STAU2: variants seen among roughly 807,000 people sequenced by gnomAD.
The protein encoded by STAU2 is double-stranded RNA-binding protein Staufen homolog 2.
A neutral mutation model predicts 65.9 loss-of-function variants in STAU2; 20 were observed. That is an observed-to-expected ratio of 0.30 (90% confidence interval 0.21 to 0.44). The LOEUF is 0.44. Among genes scored for constraint, STAU2 ranks in the 20% least tolerant of loss-of-function variants. The pLI, the probability that STAU2 is intolerant of heterozygous loss-of-function variation, is 1.00. For synonymous variants in STAU2, 232 were observed against 233.9 expected (o/e 0.99, Z 0.07); for missense variants, 558 against 683.9 (o/e 0.82, Z 2.05).
intron 4 of STAU2, among the ~76,000 whole-genome samples, chr8:73,708,765 T>A (rs1820692351): frequency 6.6e-6 from 1 of 152,178 alleles, no homozygotes; most frequent in African/African-American, 2.4e-5. Context: ...TGCCTGAGTT[T>A]AAATTACAAA....
intron 13 of STAU2, among the ~76,000 whole-genome samples, chr8:73,541,759 C>T (rs542262865): frequency 6.6e-6 from 1 of 151,962 alleles, no homozygotes; most frequent in African/African-American, 2.4e-5. Context: ...CAAAAAACAA[C>T]CAAATGGAAA....
At chr8:73,546,714 A>G (rs186514802) in intron 13 of STAU2, among the ~76,000 whole-genome samples, 27 of 152,222 alleles carry the variant, frequency 1.8e-4, no homozygotes, top group Admixed American at 8.5e-4. Context: ...AATTTCAGCC[A>G]CTGTCATTTG....
chr8:73,641,455 A>G (rs1814963114), intron 6 of STAU2, among the ~76,000 whole-genome samples: 3 of 152,208 alleles, frequency 2.0e-5, no homozygotes, highest in African/African-American at 7.2e-5. Flanking sequence ...TCAAAGGACA[A>G]AGTTGTGAAA....
At position 73,686,806 on chromosome 8, in the gene STAU2, T is replaced by C. The variant is rs1373144285; in HGVS notation, c.274+1848A>G. Reference sequence around the variant, plus strand: ...CAATTAGAACAACTCTTTAAAATTATTCTTAGGAGCTTAAAATTAGAACAG... The same window carrying C: ...CAATTAGAACAACTCTTTAAAATTACTCTTAGGAGCTTAAAATTAGAACAG... On this transcript the variant is annotated intron_variant, in intron 5 of 14. Transcript: ENST00000524300. Among the ~76,000 whole-genome samples the C allele has an allele frequency of 2.0e-5, 3 of 152,062 alleles. No individual in the cohort carries two copies. The East Asian group carries it at 5.8e-4, about 29-fold the overall frequency.
chr8:73,737,638 A>G (rs1406597649), intron 3 of STAU2, among the ~76,000 whole-genome samples: 5 of 151,380 alleles, frequency 3.3e-5, no homozygotes, highest in Admixed American at 2.0e-4. Context: ...CCTGGGCTCA[A>G]GAGATCCTCC....
rs562457764 is a variant in STAU2, at chr8:73,682,796, C to T, written c.274+5858G>A. On this transcript the variant is annotated intron_variant, in intron 5 of 14. Coordinates refer to ENST00000524300, the MANE Select transcript of STAU2 (RefSeq NM_001164380.2). ...CAAACAGGAGATATAACAACTGATA[C>T]CAGAGAAATACAAAATATCATTCAA... is the stretch of plus-strand genomic sequence containing the variant. 1.6e-4 allele frequency among the ~76,000 whole-genome samples: 24 copies of T among 152,004 alleles called. 1 individual carries two copies. The highest frequency in any genetic ancestry group is 5.5e-4 in the African/African-American group (23 of 41,480).
At chr8:73,735,535 C>T (rs949018681) in intron 3 of STAU2, among the ~76,000 whole-genome samples, 4 of 152,174 alleles carry the variant, frequency 2.6e-5, no homozygotes, top group African/African-American at 9.7e-5. Context: ...AAAGGAAATG[C>T]TCATTGGAGC....
intron 6 of STAU2, among the ~76,000 whole-genome samples, chr8:73,634,685 C>G (rs1257037355): frequency 6.6e-6 from 1 of 152,188 alleles, no homozygotes; most frequent in Non-Finnish European, 1.5e-5. Flanking sequence ...TCTCTAGCCA[C>G]ACTAGTCTCC....
chr8:73,631,216 A>G lies in STAU2; in HGVS notation c.411-13765T>C, dbSNP rs573756172. On this transcript the variant is annotated intron_variant, in intron 6 of 14. Transcript: ENST00000524300. ...AAAAAACATAAAAAATTATCTGGGC[A>G]TGGTGGTACACCCTTGTAGTTCCAG... Among the ~76,000 whole-genome samples the G allele has an allele frequency of 3.9e-5, 6 of 152,234 alleles. No individual in the cohort carries two copies. In the South Asian group the frequency reaches 1.0e-3, roughly 26 times the overall value.
intron 1 of STAU2, among the ~76,000 whole-genome samples, chr8:73,741,880 C>T (rs1806910548): frequency 6.6e-6 from 1 of 152,172 alleles, no homozygotes; most frequent in African/African-American, 2.4e-5. Flanking sequence ...ACTTTATGAA[C>T]ATAAAATTAA....
At chr8:73,705,041 A>AG (rs1820411412) in intron 4 of STAU2, among the ~76,000 whole-genome samples, 2 of 152,360 alleles carry the variant, frequency 1.3e-5, no homozygotes, top group African/African-American at 4.8e-5. Context: ...TTTTCAGTGC[A>AG]GGAACAGTGC....
chr8:73,582,880 A>C (rs764519529), intron 11 of STAU2, 50 bp from the exon 12 acceptor site: 39 of 1,560,786 alleles, frequency 2.5e-5, no homozygotes, highest in Non-Finnish European at 3.2e-5. Context: ...GCTTATTCAA[A>C]AAGAAAAAAA....
intron 13 of STAU2, among the ~76,000 whole-genome samples, chr8:73,425,250 G>A (rs929083611): frequency 6.6e-6 from 1 of 152,192 alleles, no homozygotes; most frequent in Non-Finnish European, 1.5e-5. Context: ...AGGTCATACT[G>A]GAGTAGGGTA....
chr8:73,677,843 C>T (rs1818128070), intron 5 of STAU2, among the ~76,000 whole-genome samples: 1 of 152,160 alleles, frequency 6.6e-6, no homozygotes, highest in Admixed American at 6.5e-5. Context: ...TACTATAACA[C>T]TCAACCATGG....
chr8:73,746,108 A>G (rs1807254524), intron 1 of STAU2, among the ~76,000 whole-genome samples: 1 of 152,106 alleles, frequency 6.6e-6, no homozygotes, highest in Non-Finnish European at 1.5e-5. Flanking sequence ...CGTAACAGCC[A>G]CAGCAGAACT....
intron 6 of STAU2, among the ~76,000 whole-genome samples, chr8:73,619,657 A>T (rs1586135927): frequency 6.6e-6 from 1 of 152,348 alleles, no homozygotes; most frequent in African/African-American, 2.4e-5. Context: ...ATGCAAGTGG[A>T]TAAGCACCTG....
chr8:73,727,428 T>C (rs898442809), intron 3 of STAU2, among the ~76,000 whole-genome samples: 2 of 152,182 alleles, frequency 1.3e-5, no homozygotes, highest in Non-Finnish European at 2.9e-5. Flanking sequence ...TTCTGTCTCA[T>C]AGATTACCTA....
chr8:73,452,046 G>A (rs1051239323), intron 13 of STAU2, among the ~76,000 whole-genome samples: 1 of 152,230 alleles, frequency 6.6e-6, no homozygotes, highest in African/African-American at 2.4e-5. Flanking sequence ...GCAAGGAGCT[G>A]GGTGCAGGGC....
At chr8:73,715,881 A>T (rs1821214065) in intron 3 of STAU2, among the ~76,000 whole-genome samples, 1 of 152,202 alleles carries the variant, frequency 6.6e-6, no homozygotes. Context: ...GGTGAATGAC[A>T]AAAGTTACAG....
Sources: gnomAD v4.1 joint callset for allele counts (sites outside exome capture counted in the v4.1 genomes callset) on GRCh38, gnomAD v4.1.1 for gene constraint, MANE v1.5 for transcripts, NCBI Gene and HGNC (gene_info 2026-07-23, HGNC 2026-07-21) for gene names.